TWSG1: variants seen among roughly 807,000 people sequenced by gnomAD.
The protein encoded by TWSG1 is twisted gastrulation BMP signaling modulator 1.
In TWSG1, 15 loss-of-function variants were observed where a neutral mutation model predicts 23.0. That is an observed-to-expected ratio of 0.65 (90% CI 0.44 to 1.00). The LOEUF (loss-of-function observed/expected upper bound fraction) is 1.00. Ranked by LOEUF, TWSG1 falls within the 50% of genes least tolerant of loss-of-function variation. The pLI, the probability that TWSG1 is intolerant of heterozygous loss-of-function variation, is 0.00. For missense variants in TWSG1, 242 were observed against 278.7 expected, an observed-to-expected ratio of 0.87 and a Z score of 0.94; for synonymous variants, 86 against 92.8, an observed-to-expected ratio of 0.93 and a Z score of 0.42.
chr18:9,380,463 T>C (rs1461312017), intron 3 of TWSG1, among the ~76,000 whole-genome samples: 1 of 152,230 alleles, frequency 6.6e-6, no homozygotes, highest in African/African-American at 2.4e-5. Flanking sequence ...GTGAAGGTGG[T>C]TATCATTCTA....
At chr18:9,358,890 A>G (rs900608130) in intron 2 of TWSG1, among the ~76,000 whole-genome samples, 3 of 152,170 alleles carry the variant, frequency 2.0e-5, no homozygotes, top group African/African-American at 7.2e-5. Flanking sequence ...TATATATGGT[A>G]TCTTAAACCA....
At chr18:9,351,608 G>A (rs9967388) in intron 2 of TWSG1, among the ~76,000 whole-genome samples, 99,027 of 148,098 alleles carry the variant, frequency 0.67, 33,457 homozygotes, top group Middle Eastern at 0.76. Flanking sequence ...AGAAACCCCA[G>A]TGTACCATGC....
At chr18:9,352,841 C>A (rs916509752) in intron 2 of TWSG1, among the ~76,000 whole-genome samples, 2 of 152,174 alleles carry the variant, frequency 1.3e-5, no homozygotes, top group Non-Finnish European at 2.9e-5. Context: ...AAAGTCTAAT[C>A]TTAATCTTGG....
intron 3 of TWSG1, among the ~76,000 whole-genome samples, chr18:9,375,271 T>C (rs1003942415): frequency 6.6e-6 from 1 of 151,244 alleles, no homozygotes; most frequent in Non-Finnish European, 1.5e-5. Flanking sequence ...AGAAAAAGCA[T>C]TTAATAAAAT....
At chr18:9,354,059 A>G (rs1030668473) in intron 2 of TWSG1, among the ~76,000 whole-genome samples, 3 of 152,230 alleles carry the variant, frequency 2.0e-5, no homozygotes, top group Admixed American at 6.5e-5. Flanking sequence ...TATTCTTTCT[A>G]AGAGAGTAAT....
At chr18:9,339,566 C>T (rs750175505) in intron 2 of TWSG1, among the ~76,000 whole-genome samples, 5 of 152,160 alleles carry the variant, frequency 3.3e-5, no homozygotes, top group Non-Finnish European at 7.3e-5. Context: ...AAGCAATCTG[C>T]CACCTCGGCC....
At chr18:9,386,232 G>A (rs1261662159) in intron 3 of TWSG1, among the ~76,000 whole-genome samples, 2 of 151,782 alleles carry the variant, frequency 1.3e-5, no homozygotes, top group Admixed American at 6.6e-5. Context: ...GATCGAGGTG[G>A]GCAGATCACC....
At chr18:9,368,709 A>G (rs2040591077) in intron 3 of TWSG1, among the ~76,000 whole-genome samples, 2 of 152,158 alleles carry the variant, frequency 1.3e-5, no homozygotes, top group African/African-American at 4.8e-5. Flanking sequence ...GCACTTTGGG[A>G]GGCCAAGGAG....
intron 2 of TWSG1, among the ~76,000 whole-genome samples, chr18:9,358,880 T>A (rs918517303): frequency 6.6e-6 from 1 of 152,130 alleles, no homozygotes; most frequent in African/African-American, 2.4e-5. Flanking sequence ...TTCGTATAAA[T>A]ATATATGGTA....
intron 2 of TWSG1, among the ~76,000 whole-genome samples, chr18:9,343,903 T>C (rs1451602617): frequency 6.6e-6 from 1 of 152,236 alleles, no homozygotes; most frequent in Non-Finnish European, 1.5e-5. Flanking sequence ...TTGTTTGTTT[T>C]TTAAGAGATA....
chr18:9,352,377 G>A (rs2040506100), intron 2 of TWSG1, among the ~76,000 whole-genome samples: 1 of 152,120 alleles, frequency 6.6e-6, no homozygotes, highest in Non-Finnish European at 1.5e-5. Context: ...AATTATGAAT[G>A]ATGTTGATAC....
chr18:9,394,438 TAGAG>T (rs1454929014), intron 3 of TWSG1, among the ~76,000 whole-genome samples: 6 of 152,118 alleles, frequency 3.9e-5, no homozygotes, highest in Non-Finnish European at 8.8e-5. Flanking sequence ...AACAGGAGGA[TAGAG>T]AGATATTTGT....
intron 3 of TWSG1, among the ~76,000 whole-genome samples, chr18:9,370,463 A>C (rs1211764541): frequency 6.6e-6 from 1 of 152,234 alleles, no homozygotes; most frequent in Non-Finnish European, 1.5e-5. Context: ...CACATATACC[A>C]GAATTGGTAT....
At chr18:9,356,412 T>C (rs2040527156) in intron 2 of TWSG1, among the ~76,000 whole-genome samples, 1 of 152,176 alleles carries the variant, frequency 6.6e-6, no homozygotes, top group Admixed American at 6.5e-5. Flanking sequence ...TTAAAACACT[T>C]CACAAATACC....
At chr18:9,374,102 T>C (rs143933088) in intron 3 of TWSG1, among the ~76,000 whole-genome samples, 86 of 151,908 alleles carry the variant, frequency 5.7e-4, no homozygotes, top group African/African-American at 2.0e-3. Flanking sequence ...AGACAAAAGA[T>C]CTAAAAATCA....
chr18:9,345,640 T>A (rs1025559983), intron 2 of TWSG1, among the ~76,000 whole-genome samples: 1 of 152,210 alleles, frequency 6.6e-6, no homozygotes, highest in Non-Finnish European at 1.5e-5. Flanking sequence ...AGTACCACAT[T>A]GTCTTGATTA....
intron 2 of TWSG1, among the ~76,000 whole-genome samples, chr18:9,357,450 A>G (rs2040532102): frequency 6.6e-6 from 1 of 152,232 alleles, no homozygotes; most frequent in Admixed American, 6.5e-5. Context: ...GCTGCAAAAA[A>G]TGTCGTATTA....
intron 2 of TWSG1, among the ~76,000 whole-genome samples, chr18:9,339,120 A>G (rs1372441628): frequency 6.6e-6 from 1 of 151,930 alleles, no homozygotes; most frequent in East Asian, 1.9e-4. Context: ...CAGGAGGATC[A>G]TTTGAGCCCA....
chr18:9,395,509 C>T (rs971765105), intron 3 of TWSG1, among the ~76,000 whole-genome samples: 1 of 152,118 alleles, frequency 6.6e-6, no homozygotes, highest in African/African-American at 2.4e-5. Flanking sequence ...ATTCCCTTCT[C>T]TTGTATTTAT....
Sources: allele counts gnomAD v4.1 joint callset (sites outside exome capture counted in the v4.1 genomes callset), GRCh38; gene constraint gnomAD v4.1.1; transcripts MANE v1.5; gene names NCBI Gene and HGNC (gene_info 2026-07-23, HGNC 2026-07-21).